ATRNL1: variants seen among roughly 807,000 people sequenced by gnomAD.
ATRNL1 encodes attractin like 1.
Under a neutral mutation model 182.7 loss-of-function variants are expected in ATRNL1, and 95 were observed. The observed-to-expected ratio is 0.52, with a 90% CI of 0.44 to 0.62. The LOEUF (loss-of-function observed/expected upper bound fraction) is 0.62. ATRNL1 is among the 20% of genes least tolerant of loss of function. The pLI, the probability that ATRNL1 is intolerant of heterozygous loss-of-function variation, is 0.00. For missense variants in ATRNL1, 1,471 were observed against 1,679.5 expected, an observed-to-expected ratio of 0.88 and a Z score of 2.17; for synonymous variants, 576 against 568.3, an observed-to-expected ratio of 1.01 and a Z score of -0.19.
At chr10:115,098,178 G>C (rs1228952448) in intron 1 of ATRNL1, among the ~76,000 whole-genome samples, 1 of 152,040 alleles carries the variant, frequency 6.6e-6, no homozygotes, top group African/African-American at 2.4e-5. Context: ...TTTAAATTGA[G>C]TGTTTCTTAG....
intron 27 of ATRNL1, among the ~76,000 whole-genome samples, chr10:115,823,091 G>A (rs149661597): frequency 6.6e-6 from 1 of 152,162 alleles, no homozygotes; most frequent in Non-Finnish European, 1.5e-5. Flanking sequence ...CCACGATCAA[G>A]TCAGCTTTAT....
chr10:115,875,780 T>C (rs1258860226), intron 28 of ATRNL1, among the ~76,000 whole-genome samples: 3 of 152,146 alleles, frequency 2.0e-5, no homozygotes, highest in Non-Finnish European at 2.9e-5. Context: ...CAAATAATTA[T>C]ACAAATACAT....
At chr10:115,189,345 G>GA (rs199828663) in intron 8 of ATRNL1, among the ~76,000 whole-genome samples, 68 of 150,708 alleles carry the variant, frequency 4.5e-4, no homozygotes, top group African/African-American at 1.2e-3. Context: ...CTACTTACAA[G>GA]AAAAAAAAAC....
chr10:115,358,703 C>T (rs1176908572), intron 19 of ATRNL1, among the ~76,000 whole-genome samples: 1 of 151,602 alleles, frequency 6.6e-6, no homozygotes, highest in African/African-American at 2.4e-5. Context: ...AAGGTTAAGT[C>T]ATTAAGTGCT....
intron 19 of ATRNL1, among the ~76,000 whole-genome samples, chr10:115,383,217 G>A (rs566788955): frequency 3.6e-4 from 55 of 151,376 alleles, no homozygotes; most frequent in African/African-American, 1.3e-3. Context: ...CTAGGATAAA[G>A]CCCACTGGAT....
At chr10:115,669,845 A>G (rs114856006) in intron 26 of ATRNL1, among the ~76,000 whole-genome samples, 2,513 of 152,158 alleles carry the variant, frequency 0.017, 59 homozygotes, top group African/African-American at 0.055. Flanking sequence ...ATACATTGTT[A>G]TGTTTTTCAC....
At chr10:115,627,657 A>T (rs1041604808) in intron 26 of ATRNL1, among the ~76,000 whole-genome samples, 2 of 151,924 alleles carry the variant, frequency 1.3e-5, no homozygotes, top group African/African-American at 4.8e-5. Context: ...GAGCTACTGC[A>T]CCCCACCTCA....
At chr10:115,907,289 C>G (rs1555114781) in intron 28 of ATRNL1, among the ~76,000 whole-genome samples, 2 of 152,200 alleles carry the variant, frequency 1.3e-5, no homozygotes, top group African/African-American at 4.8e-5. Context: ...TAATTTAGCT[C>G]CAGAATTTTT....
chr10:115,098,205 G>C (rs1020151561), intron 1 of ATRNL1, among the ~76,000 whole-genome samples: 1 of 151,988 alleles, frequency 6.6e-6, no homozygotes, highest in Non-Finnish European at 1.5e-5. Flanking sequence ...AATTGATAAG[G>C]TAAGTTACTT....
At chr10:115,933,992 G>A (rs555731525) in intron 28 of ATRNL1, among the ~76,000 whole-genome samples, 42 of 152,234 alleles carry the variant, frequency 2.8e-4, no homozygotes, top group African/African-American at 9.4e-4. Flanking sequence ...GAGAGGTGTT[G>A]CCCGGCAGCT....
intron 24 of ATRNL1, among the ~76,000 whole-genome samples, chr10:115,470,616 GA>G (rs542409610): frequency 1.8e-4 from 27 of 149,466 alleles, no homozygotes; most frequent in African/African-American, 6.1e-4. Flanking sequence ...ATATACTTTT[GA>G]AAAAAAATTA....
intron 26 of ATRNL1, among the ~76,000 whole-genome samples, chr10:115,615,086 G>A (rs1490555953): frequency 2.0e-5 from 3 of 151,778 alleles, no homozygotes; most frequent in Non-Finnish European, 4.4e-5. Flanking sequence ...TCTGATTATT[G>A]TGTATATCCT....
chr10:115,788,950 A>T (rs1256998140), intron 27 of ATRNL1, among the ~76,000 whole-genome samples: 1 of 152,180 alleles, frequency 6.6e-6, no homozygotes, highest in Non-Finnish European at 1.5e-5. Context: ...CCTAGAAATA[A>T]CGTATTATGA....
chr10:115,609,378 C>G, intron 26 of ATRNL1, among the ~76,000 whole-genome samples: 1 of 152,228 alleles, frequency 6.6e-6, no homozygotes, highest in East Asian at 1.9e-4. Context: ...CCAGAAGTTA[C>G]ACCCACAGGG....
chr10:115,335,187 G>T (rs1554936332), intron 19 of ATRNL1, among the ~76,000 whole-genome samples: 1 of 151,892 alleles, frequency 6.6e-6, no homozygotes, highest in African/African-American at 2.4e-5. Flanking sequence ...TCCTTTTAAA[G>T]TAGAATTTAA....
chr10:115,209,038 A>G (rs1848913701), intron 8 of ATRNL1, among the ~76,000 whole-genome samples: 1 of 151,874 alleles, frequency 6.6e-6, no homozygotes, highest in South Asian at 2.1e-4. Context: ...TAAAAGTAAA[A>G]AATAAAAATG....
At chr10:115,307,899 A>T (rs1554926691) in intron 17 of ATRNL1, among the ~76,000 whole-genome samples, 2 of 151,122 alleles carry the variant, frequency 1.3e-5, no homozygotes, top group Non-Finnish European at 2.9e-5. Flanking sequence ...TAACTTTATG[A>T]CTTTTCAGGA....
intron 26 of ATRNL1, among the ~76,000 whole-genome samples, chr10:115,623,161 G>T (rs1250924600): frequency 1.3e-5 from 2 of 151,950 alleles, no homozygotes; most frequent in African/African-American, 4.8e-5. Context: ...GATTTATAAG[G>T]TATATGGAAC....
chr10:115,682,097 C>G (rs80282484), intron 26 of ATRNL1, among the ~76,000 whole-genome samples: 1,671 of 152,204 alleles, frequency 0.011, 26 homozygotes, highest in African/African-American at 0.038. Flanking sequence ...AAATAAAACT[C>G]TGTTGGATTT....
Sources: gnomAD v4.1 joint callset for allele counts (sites outside exome capture counted in the v4.1 genomes callset) on GRCh38, gnomAD v4.1.1 for gene constraint, MANE v1.5 for transcripts, NCBI Gene and HGNC (gene_info 2026-07-23, HGNC 2026-07-21) for gene names.